XCR1: variants seen among roughly 807,000 people sequenced by gnomAD.
XCR1 encodes the protein X-C motif chemokine receptor 1.
For synonymous variants in XCR1, 187 were observed against 188.5 expected (o/e 0.99, Z 0.06); for missense variants, 356 against 424.2 (o/e 0.84, Z 1.41).
At chr3:46,072,505 G>T (rs762221630) in intron 3 of XCR1, among the ~76,000 whole-genome samples, 1 of 152,030 alleles carries the variant, frequency 6.6e-6, no homozygotes, top group African/African-American at 2.4e-5. Flanking sequence ...CCTTGTCTCA[G>T]TGAAAATAAA....
intron 1 of XCR1, among the ~76,000 whole-genome samples, chr3:46,022,571 G>A (rs1409303489): frequency 6.6e-6 from 1 of 152,208 alleles, no homozygotes; most frequent in African/African-American, 2.4e-5. Flanking sequence ...AGTATAATGA[G>A]GCATGTCTGA....
upstream of XCR1, among the ~76,000 whole-genome samples, chr3:46,030,271 T>C (rs13082697): frequency 0.2 from 30,317 of 152,110 alleles, 4,438 homozygotes; most frequent in African/African-American, 0.4. Context: ...TTCTAGTCTT[T>C]CACTACAAGT....
intron 1 of XCR1, among the ~76,000 whole-genome samples, chr3:46,025,418 AAGAG>A (rs897003864): frequency 1.3e-4 from 19 of 150,040 alleles, no homozygotes; most frequent in South Asian, 8.4e-4. Flanking sequence ...GAAATAAAGA[AAGAG>A]AGAGAGAGAG....
chr3:46,067,174 T>A (rs1698092419), intron 3 of XCR1, among the ~76,000 whole-genome samples: 1 of 152,082 alleles, frequency 6.6e-6, no homozygotes, highest in Non-Finnish European at 1.5e-5. Flanking sequence ...TGGAAATGGA[T>A]GATTAGGAGG....
chr3:46,020,925 G>GCCTGCA lies in XCR1; in HGVS notation c.*15_*20dup, dbSNP rs759960753. On this transcript the variant is annotated 3_prime_UTR_variant, in exon 2 of 2. Coordinates refer to ENST00000309285, the MANE Select transcript of XCR1 (RefSeq NM_001024644.2). ...CCAGTCCCTGTCCACCTGCACCTGCGCCTGCACCGCCACAGGCCCCTCAGT... is the reference window on the plus strand; with the variant it reads ...CCAGTCCCTGTCCACCTGCACCTGCGCCTGCACCTGCACCGCCACAGGCCCCTCAGT... The GCCTGCA allele has an allele frequency of 1.1e-5, 18 of 1,600,764 alleles. No homozygotes were observed. The highest frequency in any genetic ancestry group is 1.5e-5 in the Non-Finnish European group (18 of 1,173,158).
intron 5 of XCR1, among the ~76,000 whole-genome samples, chr3:46,046,277 C>T (rs1039677587): frequency 6.6e-6 from 1 of 152,084 alleles, no homozygotes; most frequent in African/African-American, 2.4e-5. Context: ...GGACAAGGGC[C>T]CTGAGCTTTA....
intron 5 of XCR1, among the ~76,000 whole-genome samples, chr3:46,053,439 G>C (rs1697787947): frequency 6.6e-6 from 1 of 151,946 alleles, no homozygotes; most frequent in Non-Finnish European, 1.5e-5. Context: ...TCTGCAACTG[G>C]AGGGGGCGGT....
At chr3:46,031,468 C>T (rs1370465391), upstream of XCR1, among the ~76,000 whole-genome samples, 5 of 152,182 alleles carry the variant, frequency 3.3e-5, no homozygotes, top group Admixed American at 3.3e-4. Flanking sequence ...CACCTTGGCC[C>T]CCTCTGGACT....
chr3:46,080,844 C>G (rs1698349559), intron 1 of XCR1, among the ~76,000 whole-genome samples: 1 of 152,166 alleles, frequency 6.6e-6, no homozygotes, highest in Non-Finnish European at 1.5e-5. Context: ...AAACCATCCC[C>G]TCTTGTTTAT....
chr3:46,054,548 A>AG (rs149446099), intron 4 of XCR1, among the ~76,000 whole-genome samples: 97 of 150,122 alleles, frequency 6.5e-4, no homozygotes, highest in African/African-American at 1.0e-3. Flanking sequence ...CAAAAGGACG[A>AG]GGGGGGGGCG....
intron 3 of XCR1, among the ~76,000 whole-genome samples, chr3:46,071,827 A>G (rs1379240157): frequency 6.6e-6 from 1 of 152,160 alleles, no homozygotes; most frequent in African/African-American, 2.4e-5. Context: ...ATAAAGCCCC[A>G]TATATGACAA....
chr3:46,078,002 C>T (rs537953477), intron 1 of XCR1, among the ~76,000 whole-genome samples: 1 of 152,232 alleles, frequency 6.6e-6, no homozygotes, highest in South Asian at 2.1e-4. Flanking sequence ...TGGCTGATGG[C>T]ATCATTTGTA....
upstream of XCR1, among the ~76,000 whole-genome samples, chr3:46,031,995 G>T (rs1177084430): frequency 6.6e-6 from 1 of 152,228 alleles, no homozygotes; most frequent in Non-Finnish European, 1.5e-5. Context: ...CTGCAGAAAG[G>T]AGCTATGCAC....
chr3:46,028,661 C>A (rs975919858), upstream of XCR1, among the ~76,000 whole-genome samples: 2 of 151,592 alleles, frequency 1.3e-5, no homozygotes, highest in Non-Finnish European at 1.5e-5. Flanking sequence ...GCATGATCAG[C>A]TCACTATTGC....
chr3:46,029,250 C>A (rs1176446897), upstream of XCR1, among the ~76,000 whole-genome samples: 1 of 152,182 alleles, frequency 6.6e-6, no homozygotes, highest in Non-Finnish European at 1.5e-5. Flanking sequence ...GTTGCCCCGT[C>A]TGGAGTGTAG....
At chr3:46,054,380 G>C (rs1559489237) in intron 4 of XCR1, among the ~76,000 whole-genome samples, 1 of 152,134 alleles carries the variant, frequency 6.6e-6, no homozygotes, top group African/African-American at 2.4e-5. Flanking sequence ...AGTTTGCCCA[G>C]ATCCTGCGTT....
intron 5 of XCR1, among the ~76,000 whole-genome samples, chr3:46,049,982 C>T (rs570013566): frequency 6.6e-6 from 1 of 152,180 alleles, no homozygotes; most frequent in Non-Finnish European, 1.5e-5. Context: ...TGACCTATGC[C>T]TGCCCATAGT....
intron 5 of XCR1, among the ~76,000 whole-genome samples, chr3:46,035,472 A>AT (rs1417936685): frequency 5.9e-5 from 9 of 152,222 alleles, no homozygotes; most frequent in African/African-American, 1.9e-4. Flanking sequence ...TCAGTAACAG[A>AT]TTTTGGTTCC....
Position 46,020,843 on chromosome 3 carries a change from C to G in XCR1, c.*103G>C. 7.0e-7 allele frequency: 1 copy of G among 1,434,234 alleles called. No homozygotes were observed. The allele number at this position is 1,434,234 out of a possible 1,614,324, so 88.8% of individuals were successfully genotyped here. Reference sequence around the variant, plus strand: ...CACGCCTGCAGCGGAGGAGACGTCTCCACCCTGCTGTGTTCTGCAATGCTC... The same window carrying G: ...CACGCCTGCAGCGGAGGAGACGTCTGCACCCTGCTGTGTTCTGCAATGCTC... On this transcript the variant is annotated 3_prime_UTR_variant, in exon 2 of 2. Transcript: ENST00000309285.
Sources: allele counts gnomAD v4.1 joint callset (sites outside exome capture counted in the v4.1 genomes callset), GRCh38; gene constraint gnomAD v4.1.1; transcripts MANE v1.5; gene names NCBI Gene and HGNC (gene_info 2026-07-23, HGNC 2026-07-21).